Variants in VWF observed in about 807,000 individuals in gnomAD.
The protein encoded by VWF is Factor VIII related antigen.
A neutral mutation model predicts 308.6 loss-of-function variants in VWF; 176 were observed. The ratio of observed to expected loss-of-function variants is 0.57; its 90% confidence interval spans 0.50 to 0.65. The LOEUF (loss-of-function observed/expected upper bound fraction) is 0.65. VWF is among the 30% of genes least tolerant of loss of function. The pLI, the probability that VWF is intolerant of heterozygous loss-of-function variation, is 0.00. For synonymous variants in VWF, 1,385 were observed against 1,443.4 expected (o/e 0.96, Z 0.92); for missense variants, 3,146 against 3,648.2 (o/e 0.86, Z 3.55).
intron 42 of VWF, among the ~76,000 whole-genome samples, chr12:5,980,086 G>C (rs867478083): frequency 6.1e-5 from 4 of 65,530 alleles, no homozygotes; most frequent in Non-Finnish European, 9.3e-5. Flanking sequence ...AGAAAGAAAA[G>C]AAAGAAAGGA....
At chr12:6,122,562 G>A in intron 2 of VWF, 1 of 319,456 alleles carries the variant, frequency 3.1e-6, no homozygotes, top group Non-Finnish European at 6.2e-6. Context: ...CTCACCTGTG[G>A]GCAGTAGCTG....
intron 6 of VWF, among the ~76,000 whole-genome samples, chr12:6,079,727 G>A (rs1352320974): frequency 6.6e-6 from 1 of 152,142 alleles, no homozygotes; most frequent in Non-Finnish European, 1.5e-5. Context: ...CATTAGCAGT[G>A]TGGCCTCTGG....
At chr12:6,115,068 G>C (rs1015824835) in intron 3 of VWF, among the ~76,000 whole-genome samples, 3 of 152,166 alleles carry the variant, frequency 2.0e-5, no homozygotes, top group African/African-American at 7.2e-5. Context: ...TTGAGGTCTT[G>C]CTCTATCGCT....
intron 20 of VWF, among the ~76,000 whole-genome samples, chr12:6,034,315 C>A (rs1944308377): frequency 6.6e-6 from 1 of 152,156 alleles, no homozygotes; most frequent in Non-Finnish European, 1.5e-5. Context: ...ACTTCCCAGC[C>A]CAACCCACTC....
Position 6,034,729 on chromosome 12 carries a change from T to C in VWF, c.2644A>G (p.Lys882Glu). The C allele has an allele frequency of 6.2e-7, 1 of 1,614,184 alleles. No homozygotes were observed. Among genetic ancestry groups the C allele is most frequent in the Non-Finnish European group, 8.5e-7 (1 of 1,180,028 alleles). Residue 882 changes from lysine (K) to glutamate (E), a missense_variant, in exon 20 of 52, where the codon AAA becomes GAA. This residue lies in a region of VWF where 1,304 missense variants were observed against 1,353.0 expected (regional missense o/e 0.96). Transcript: ENST00000261405. The part of the protein sequence containing the change: ...MAHYLTFDGL[K>E]YLFPGECQYV... ...TGGCACTCCCCGGGGAACAGGTATT[T>C]GAGCCCGTCGAAGGTGAGGTAGTGG... is the stretch of plus-strand genomic sequence containing the variant.
At chr12:6,072,780 A>G (rs146864677) in intron 8 of VWF, among the ~76,000 whole-genome samples, 1 of 152,118 alleles carries the variant, frequency 6.6e-6, no homozygotes, top group South Asian at 2.1e-4. Context: ...ACTCATTACC[A>G]TTCCACAGAT....
chr12:6,044,302 G>C lies in VWF; in HGVS notation c.2431C>G (p.Pro811Ala). Residue 811 changes from proline (P) to alanine (A), a missense_variant, in exon 18 of 52, where the codon CCC becomes GCC. By Grantham distance (27) the Pro-to-Ala change is conservative. Around this residue, in one of 3 missense-constraint regions of VWF, gnomAD observed 1,304 missense variants for 1,353.0 expected, o/e 0.96. Transcript: ENST00000261405. ...SMGCVSGCLCPPGMVRHENRC... is the reference protein window; with the variant it reads ...SMGCVSGCLCAPGMVRHENRC... ...GCCTGGTGACTCACCATGCCCGGGGGGCAGAGGCAGCCAGAGACACAGCCC... is the reference window on the plus strand; with the variant it reads ...GCCTGGTGACTCACCATGCCCGGGGCGCAGAGGCAGCCAGAGACACAGCCC... The C allele has an allele frequency of 6.2e-7, 1 of 1,614,088 alleles. No homozygotes were observed. The highest frequency in any genetic ancestry group is 2.2e-5 in the East Asian group (1 of 44,876).
At position 6,019,657 on chromosome 12, in the gene VWF, G is replaced by A. The variant is rs906284277; in HGVS notation, c.3761C>T (p.Pro1254Leu). ...GATGTCCTCCACATACAGAGTGGTGGGGCTCACCGGGGCATCTGTGGGAGG... is the reference window on the plus strand; with the variant it reads ...GATGTCCTCCACATACAGAGTGGTGAGGCTCACCGGGGCATCTGTGGGAGG... ...VVPPTDAPVS[P>L]TTLYVEDISE... Residue 1254 changes from proline (P) to leucine (L), a missense_variant, in exon 28 of 52, where the codon CCC (proline) becomes CTC (leucine). Coordinates refer to ENST00000261405, the MANE Select transcript of VWF (RefSeq NM_000552.5). This position sits in a 1 kb window ranked among gnomAD's most constrained non-coding sequence, Gnocchi z 5.8. 1.2e-5 allele frequency: 20 copies of A among 1,613,740 alleles called. No individual in the cohort carries two copies. Among genetic ancestry groups the A allele is most frequent in the Admixed American group, 1.7e-5 (1 of 59,998 alleles).
At chr12:6,057,414 A>T (rs573394607) in intron 14 of VWF, among the ~76,000 whole-genome samples, 81 of 146,264 alleles carry the variant, frequency 5.5e-4, no homozygotes, top group African/African-American at 2.0e-3. Flanking sequence ...TCCTGGGTTC[A>T]TGCAACCGTC....
chr12:5,980,979 A>T (rs1943598711), intron 42 of VWF, among the ~76,000 whole-genome samples: 1 of 152,216 alleles, frequency 6.6e-6, no homozygotes, highest in South Asian at 2.1e-4. Context: ...TTTCACCTAT[A>T]AGACTGCTGT....
intron 33 of VWF, 70 bp from the exon 34 acceptor site, chr12:6,011,864 G>A: frequency 1.1e-5 from 16 of 1,437,022 alleles, no homozygotes; most frequent in Middle Eastern, 1.8e-4. Context: ...CCATCTGCCA[G>A]ACAACTGACC....
At position 6,034,720 on chromosome 12, in the gene VWF, A is replaced by G. The variant is rs760242174; in HGVS notation, c.2653T>C (p.Phe885Leu). The stretch of plus-strand genomic sequence containing the variant: ...AGAACGTACTGGCACTCCCCGGGGA[A>G]CAGGTATTTGAGCCCGTCGAAGGTG... The part of the protein sequence containing the change: ...YLTFDGLKYL[F>L]PGECQYVLVQ... The change falls in exon 20 of 52, where the codon TTC becomes CTC. Residue 885 changes from phenylalanine (F) to leucine (L), a missense_variant. Phe to Leu is a conservative substitution (Grantham distance 22). Around this residue, in one of 3 missense-constraint regions of VWF, gnomAD observed 1,304 missense variants for 1,353.0 expected, o/e 0.96. Coordinates refer to ENST00000261405, the MANE Select transcript of VWF (RefSeq NM_000552.5). 1.1e-5 allele frequency: 18 copies of G among 1,614,082 alleles called. No individual in the cohort carries two copies. The highest frequency in any genetic ancestry group is 1.4e-5 in the Non-Finnish European group (17 of 1,179,970).
rs201177758 is a variant in VWF at position 6,106,875 on chromosome 12, CAAAAAAAAAAA to C, written c.532+3488_532+3498del. ...GGGCAACAAGAGTGAAACTCCGACT[CAAAAAAAAAAA>C]AAAAAAAAAAAAAGATAGTAAATTT... On this transcript the variant is annotated intron_variant, in intron 5 of 51. Coordinates refer to ENST00000261405, the MANE Select transcript of VWF (RefSeq NM_000552.5). Among the ~76,000 whole-genome samples the C allele has an allele frequency of 7.2e-3, 251 of 34,816 alleles. 3 individuals carry two copies. Among genetic ancestry groups the C allele is most frequent in the Non-Finnish European group, 0.014 (219 of 16,002 alleles). 22.8% of individuals were successfully genotyped at this position (34,816 alleles called of 152,430 possible).
intron 24 of VWF, 114 bp from the exon 25 acceptor site, chr12:6,023,901 G>A: frequency 8.2e-7 from 1 of 1,217,880 alleles, no homozygotes; most frequent in Non-Finnish European, 1.2e-6. Context: ...GGTCCAGGTA[G>A]AAGGAGAAAT....
At chr12:6,066,191 A>G (rs1288343793) in intron 10 of VWF, among the ~76,000 whole-genome samples, 1 of 151,930 alleles carries the variant, frequency 6.6e-6, no homozygotes, top group Non-Finnish European at 1.5e-5. Context: ...CTCCAAACTG[A>G]GATCACACAT....
At chr12:5,989,361 TA>T (rs915163290) in intron 38 of VWF, among the ~76,000 whole-genome samples, 49 of 150,414 alleles carry the variant, frequency 3.3e-4, no homozygotes, top group African/African-American at 9.0e-4. Context: ...TTTTTCAGTT[TA>T]AAAAAAAAAG....
In VWF at chr12:6,052,635, C is replaced by A. The variant is rs141590700; in HGVS notation, c.2094G>T (p.Arg698Ser). Residue 698 changes from arginine to serine, a missense_variant, in exon 16 of 52, where the codon AGG becomes AGT. Physicochemically the swap from Arg to Ser is moderately radical, Grantham distance 110. Coordinates refer to ENST00000261405, the MANE Select transcript of VWF (RefSeq NM_000552.5). ...FCPPGLYMDE[R>S]GDCVPKAQCP... ...ACTGGGCCTTGGGCACGCAGTCCCC[C>A]CTCTCATCCATGTAGAGCCCTGGGG... is the stretch of plus-strand genomic sequence containing the variant. 6.2e-7 allele frequency: 1 copy of A among 1,614,260 alleles called. No individual in the cohort carries two copies. Among genetic ancestry groups the A allele is most frequent in the Non-Finnish European group, 8.5e-7 (1 of 1,180,050 alleles).
At chr12:5,988,623 A>T (rs182529052) in intron 38 of VWF, among the ~76,000 whole-genome samples, 5 of 152,352 alleles carry the variant, frequency 3.3e-5, no homozygotes, top group Admixed American at 3.3e-4. Context: ...TTTCCCAGGA[A>T]GCTTAAGGCC....
At chr12:6,085,575 C>G (rs1012946695) in intron 6 of VWF, among the ~76,000 whole-genome samples, 1 of 152,010 alleles carries the variant, frequency 6.6e-6, no homozygotes, top group Non-Finnish European at 1.5e-5. Flanking sequence ...GTTAGGGAGG[C>G]CTTTGAATTG....
Sources: gnomAD v4.1 joint callset for allele counts (sites outside exome capture counted in the v4.1 genomes callset) on GRCh38, gnomAD v4.1.1 for gene constraint, gnomAD v4.1.1 regional missense constraint, Gnocchi (gnomAD v3.1) non-coding constraint, MANE v1.5 for transcripts, NCBI Gene and HGNC (gene_info 2026-07-23, HGNC 2026-07-21) for gene names.